MANBAL: variants seen among roughly 807,000 people sequenced by gnomAD.
MANBAL encodes mannosidase beta like.
In MANBAL, 1 loss-of-function variant was observed where a neutral mutation model predicts 6.4. That is an observed-to-expected ratio of 0.16 (90% CI 0.06 to 0.74). The LOEUF (loss-of-function observed/expected upper bound fraction) is 0.74, where lower values mean the gene tolerates loss of function less well. Ranked by LOEUF, MANBAL falls within the 30% of genes least tolerant of loss-of-function variation. The probability of loss-of-function intolerance (pLI) is 0.78; values close to 1 mark genes in which losing one functional copy is unlikely to be tolerated. For missense variants in MANBAL, 100 were observed against 107.8 expected, an observed-to-expected ratio of 0.93 and a Z score of 0.32; for synonymous variants, 47 against 45.8, an observed-to-expected ratio of 1.03 and a Z score of -0.10.
Position 37,301,324 on chromosome 20 carries a change from C to G in MANBAL, c.61C>G (p.Leu21Val). ...EVPEPTFLEN[L>V]LRYGLFLGAI... ...GCCCGAGCCCACTTTCCTGGAGAAC[C>G]TGCTACGGTACGGACTCTTCCTGGG... Residue 21 changes from leucine to valine, a missense_variant, in exon 2 of 3, where the codon CTG becomes GTG. Physicochemically the swap from Leu to Val is conservative, Grantham distance 32. Coordinates refer to ENST00000373606, the MANE Select transcript of MANBAL (RefSeq NM_001003897.2). 6.2e-7 allele frequency: 1 copy of G among 1,613,332 alleles called. No individual in the cohort carries two copies. The highest frequency in any genetic ancestry group is 8.5e-7 in the Non-Finnish European group (1 of 1,179,464).
rs542974436 is a variant in MANBAL, at chr20:37,301,508, C to T, written c.150+95C>T. On this transcript the variant is annotated intron_variant, in intron 2 of 2. Transcript: ENST00000373606. The stretch of plus-strand genomic sequence containing the variant: ...CCACCACAACTGAGATCAGCAGGGT[C>T]TACATTGGGCCTTTTTGATTTAGTG... The T allele has an allele frequency of 1.9e-5, 26 of 1,340,828 alleles. No individual in the cohort carries two copies. The South Asian group carries it at 3.6e-4, about 18-fold the overall frequency. 83.1% of individuals were successfully genotyped at this position (1,340,828 alleles called of 1,614,324 possible).
At chr20:37,310,882 C>T (rs990631679) in intron 2 of MANBAL, among the ~76,000 whole-genome samples, 4 of 152,310 alleles carry the variant, frequency 2.6e-5, no homozygotes, top group African/African-American at 7.2e-5. Context: ...TGTAGTCTGC[C>T]GTCTGTGTGG....
rs575550313 is a variant in MANBAL, at chr20:37,316,592, C to T, written c.*177C>T. On this transcript the variant is annotated 3_prime_UTR_variant, in exon 3 of 3. Transcript: ENST00000373606. ...CCCCAGGCTCCAGCTGGGCAATCCA[C>T]CACTTCCTCTTCCTTCTGCTTCTGT... 11 of 524,124 alleles carry T rather than the reference C, an allele frequency of 2.1e-5. No homozygotes were observed. In the East Asian group the frequency reaches 3.8e-4, roughly 18 times the overall value. The allele number at this position is 524,124 out of a possible 1,614,324, so 32.5% of individuals were successfully genotyped here. A position where few individuals can be genotyped will look rare whatever the true frequency, so the allele number is the denominator to read the frequency against.
At chr20:37,293,308 C>T (rs997172639) in intron 1 of MANBAL, among the ~76,000 whole-genome samples, 3 of 152,176 alleles carry the variant, frequency 2.0e-5, no homozygotes, top group African/African-American at 7.2e-5. Context: ...TAGACAGTCC[C>T]GTCTGGGGGT....
intron 1 of MANBAL, among the ~76,000 whole-genome samples, chr20:37,290,617 C>T (rs1211460306): frequency 3.3e-5 from 5 of 152,234 alleles, no homozygotes; most frequent in Admixed American, 6.5e-5. Context: ...TGCCACCACG[C>T]CCGGCTAATT....
intron 2 of MANBAL, among the ~76,000 whole-genome samples, chr20:37,312,867 C>T (rs1472811574): frequency 6.6e-6 from 1 of 152,148 alleles, no homozygotes; most frequent in Non-Finnish European, 1.5e-5. Context: ...TATGTATATT[C>T]GGTTTTAAGT....
chr20:37,296,323 T>C (rs748182750), intron 1 of MANBAL, among the ~76,000 whole-genome samples: 1 of 152,232 alleles, frequency 6.6e-6, no homozygotes, highest in Non-Finnish European at 1.5e-5. Context: ...TATTGTTTCA[T>C]AACATTCCAA....
At chr20:37,307,388 T>C (rs1166647008) in intron 2 of MANBAL, among the ~76,000 whole-genome samples, 2 of 152,176 alleles carry the variant, frequency 1.3e-5, no homozygotes, top group East Asian at 1.9e-4. Context: ...AGTTCTTAGA[T>C]GTGTTAAGTT....
At chr20:37,302,540 C>T (rs927243393) in intron 2 of MANBAL, among the ~76,000 whole-genome samples, 1 of 152,320 alleles carries the variant, frequency 6.6e-6, no homozygotes, top group Non-Finnish European at 1.5e-5. Flanking sequence ...TTTCCTTCTG[C>T]ATCTGTTAGC....
chr20:37,305,291 T>G (rs1033494858), intron 2 of MANBAL, among the ~76,000 whole-genome samples: 1 of 152,170 alleles, frequency 6.6e-6, no homozygotes, highest in African/African-American at 2.4e-5. Flanking sequence ...GTGATGAGCC[T>G]TCTTGTTTTA....
rs182550750 is a variant in MANBAL, at chr20:37,290,414, C to T, written c.-57+728C>T. On this transcript the variant is annotated intron_variant, in intron 1 of 2. Coordinates refer to ENST00000373606, the MANE Select transcript of MANBAL (RefSeq NM_001003897.2). ...CGGGCCAGGCTGTACAACCCATTGC[C>T]ATAAAGCGGTAACTTCTTTTTCTTT... is the stretch of plus-strand genomic sequence containing the variant. 3.3e-5 allele frequency among the ~76,000 whole-genome samples: 5 copies of T among 151,376 alleles called. No homozygotes were observed. The East Asian group carries it at 9.7e-4, about 29-fold the overall frequency.
At chr20:37,312,241 G>A (rs1181931089) in intron 2 of MANBAL, among the ~76,000 whole-genome samples, 1 of 152,156 alleles carries the variant, frequency 6.6e-6, no homozygotes, top group Non-Finnish European at 1.5e-5. Context: ...TTTTCTGATT[G>A]CTGTAGGGAC....
chr20:37,303,144 C>T (rs946032084), intron 2 of MANBAL, among the ~76,000 whole-genome samples: 16 of 152,202 alleles, frequency 1.1e-4, no homozygotes, highest in African/African-American at 3.9e-4. Context: ...CTCTTGGGCT[C>T]AAGCCATCCA....
chr20:37,290,166 A>G (rs1163349263), intron 1 of MANBAL, among the ~76,000 whole-genome samples: 1 of 152,266 alleles, frequency 6.6e-6, no homozygotes, highest in East Asian at 1.9e-4. Context: ...TAGTAGGTGC[A>G]CAGTCCATGT....
chr20:37,316,337 T>G lies in MANBAL; in HGVS notation c.180T>G (p.Ala60=). 6.2e-7 allele frequency: 1 copy of G among 1,613,856 alleles called. No homozygotes were observed. The highest frequency in any genetic ancestry group is 8.5e-7 in the Non-Finnish European group (1 of 1,179,880). Residue 60 remains alanine (A), a synonymous_variant, in exon 3 of 3, where the codon GCT becomes GCG. Coordinates refer to ENST00000373606, the MANE Select transcript of MANBAL (RefSeq NM_001003897.2). ...CTGAACCGTCTGAGCCCAGAAGTGC[T>G]GAGGTGACGAGGAAGCCCAAGGCTG... ...AEAEPSEPRS[A]EVTRKPKAAV...
intron 2 of MANBAL, chr20:37,302,150 T>A (rs2069152626): frequency 7.5e-7 from 1 of 1,341,386 alleles, no homozygotes; most frequent in Non-Finnish European, 1.0e-6. Context: ...TCCCATTTGC[T>A]CGTGACATTG....
intron 1 of MANBAL, 44 bp from the exon 2 acceptor site, chr20:37,301,164 A>G (rs891744561): frequency 5.7e-6 from 6 of 1,048,700 alleles, no homozygotes; most frequent in Non-Finnish European, 7.6e-6. Context: ...AAATAAATAA[A>G]TGTCAGTTAC....
At chr20:37,295,665 AG>A (rs1408789702) in intron 1 of MANBAL, among the ~76,000 whole-genome samples, 2 of 152,204 alleles carry the variant, frequency 1.3e-5, no homozygotes, top group African/African-American at 4.8e-5. Context: ...ATCCCTGGGT[AG>A]GTCATATAAC....
At chr20:37,308,105 A>T (rs1424307827) in intron 2 of MANBAL, among the ~76,000 whole-genome samples, 1 of 152,138 alleles carries the variant, frequency 6.6e-6, no homozygotes, top group Non-Finnish European at 1.5e-5. Flanking sequence ...GATGCAGCAC[A>T]GCCACTAAAC....
Sources: gnomAD v4.1 joint callset for allele counts (sites outside exome capture counted in the v4.1 genomes callset) on GRCh38, gnomAD v4.1.1 for gene constraint, MANE v1.5 for transcripts, NCBI Gene and HGNC (gene_info 2026-07-23, HGNC 2026-07-21) for gene names.